Variants in TPD52 observed in about 807,000 individuals in gnomAD.
TPD52 encodes tumor protein D52, also known as prostate and colon associated protein.
Under a neutral mutation model 31.3 loss-of-function variants are expected in TPD52, and 17 were observed. That is an observed-to-expected ratio of 0.54 (90% CI 0.37 to 0.82). TPD52 has a LOEUF of 0.82. Among genes scored for constraint, TPD52 ranks in the 40% least tolerant of loss-of-function variants. The pLI is 0.00. For missense variants in TPD52, 212 were observed against 240.1 expected (o/e 0.88, Z 0.77); for synonymous variants, 83 against 89.6 (o/e 0.93, Z 0.42).
At chr8:80,068,941 C>T (rs1304530105) in intron 1 of TPD52, among the ~76,000 whole-genome samples, 2 of 152,144 alleles carry the variant, frequency 1.3e-5, no homozygotes, top group African/African-American at 4.8e-5. Context: ...AATGCCAGGT[C>T]CGGTTACAGA....
intron 1 of TPD52, among the ~76,000 whole-genome samples, chr8:80,076,958 C>T (rs561698388): frequency 1.2e-4 from 18 of 152,146 alleles, no homozygotes; most frequent in South Asian, 4.2e-4. Context: ...TGATCCACTG[C>T]GCCCAGCCAA....
intron 1 of TPD52, among the ~76,000 whole-genome samples, chr8:80,120,127 G>GTA (rs1424231839): frequency 2.0e-5 from 3 of 152,044 alleles, no homozygotes; most frequent in Non-Finnish European, 1.5e-5. Flanking sequence ...CTTGTACCAT[G>GTA]TATATATATA....
intron 1 of TPD52, among the ~76,000 whole-genome samples, chr8:80,083,474 T>C (rs1563612625): frequency 6.6e-6 from 1 of 152,184 alleles, no homozygotes; most frequent in African/African-American, 2.4e-5. Context: ...CCCCATGCTC[T>C]TCTCCTGATA....
chr8:80,109,790 T>G (rs922598480), intron 1 of TPD52, among the ~76,000 whole-genome samples: 1 of 152,208 alleles, frequency 6.6e-6, no homozygotes, highest in African/African-American at 2.4e-5. Context: ...GTTATTAGAC[T>G]GCAGCCCTAT....
chr8:80,044,355 A>G lies in TPD52; in HGVS notation c.414-147T>C, dbSNP rs144004362. ...CCTACTTTTTGAGGTGGAGGGGATC[A>G]AAGTTATTCCAACATAATTTACTTT... On this transcript the variant is annotated intron_variant, in intron 5 of 7. Transcript: ENST00000518937. The G allele has an allele frequency of 3.2e-4, 212 of 654,094 alleles. 5 individuals carry two copies. The East Asian group carries it at 6.8e-3, about 21-fold the overall frequency. The allele number at this position is 654,094 out of a possible 1,614,324, so 40.5% of individuals were successfully genotyped here. A position where few individuals can be genotyped will look rare whatever the true frequency, so the allele number is the denominator to read the frequency against.
chr8:80,098,351 A>G (rs574574170), intron 1 of TPD52, among the ~76,000 whole-genome samples: 1 of 152,236 alleles, frequency 6.6e-6, no homozygotes, highest in South Asian at 2.1e-4. Flanking sequence ...AAAGTACATT[A>G]AAAACCTTCT....
chr8:80,168,072 T>C (rs1304173923), intron 1 of TPD52, among the ~76,000 whole-genome samples: 2 of 152,232 alleles, frequency 1.3e-5, no homozygotes, highest in South Asian at 4.1e-4. Context: ...TGGAAACTCT[T>C]GAAAGGCATG....
At chr8:80,142,394 C>T (rs978915865) in intron 1 of TPD52, among the ~76,000 whole-genome samples, 7 of 152,138 alleles carry the variant, frequency 4.6e-5, no homozygotes, top group Non-Finnish European at 7.3e-5. Context: ...ACTGTGAAGA[C>T]GCTGTCTCTA....
chr8:80,096,389 C>T (rs1243648439), intron 1 of TPD52, among the ~76,000 whole-genome samples: 1 of 151,990 alleles, frequency 6.6e-6, no homozygotes, highest in Non-Finnish European at 1.5e-5. Context: ...ATGGTCAAGG[C>T]TTCCTAAGTA....
At chr8:80,056,372 G>A (rs1433366594) in intron 2 of TPD52, among the ~76,000 whole-genome samples, 1 of 152,134 alleles carries the variant, frequency 6.6e-6, no homozygotes, top group Non-Finnish European at 1.5e-5. Flanking sequence ...GTTGGGAAAG[G>A]GAGGATGCCT....
chr8:80,095,767 A>G (rs1383381114), intron 1 of TPD52, among the ~76,000 whole-genome samples: 2 of 152,122 alleles, frequency 1.3e-5, no homozygotes, highest in African/African-American at 2.4e-5. Flanking sequence ...AACATGGTGA[A>G]ACTCCGTCTG....
At chr8:80,051,852 C>T (rs1811419312) in intron 3 of TPD52, 2 of 434,996 alleles carry the variant, frequency 4.6e-6, no homozygotes, top group Non-Finnish European at 8.1e-6. Context: ...CCTAGTCCAG[C>T]CAGAAAGACA....
intron 1 of TPD52, among the ~76,000 whole-genome samples, chr8:80,161,053 C>T (rs546398324): frequency 5.9e-5 from 9 of 151,686 alleles, no homozygotes; most frequent in South Asian, 2.1e-4. Flanking sequence ...GGCAACAGAG[C>T]GAGACTCTGT....
intron 1 of TPD52, among the ~76,000 whole-genome samples, chr8:80,167,291 T>C (rs770053802): frequency 3.4e-4 from 51 of 152,198 alleles, no homozygotes; most frequent in Admixed American, 1.8e-3. Flanking sequence ...AGGAAAATAA[T>C]CTTAGCCTAC....
At chr8:80,031,536 G>A (rs771636961), downstream of TPD52, among the ~76,000 whole-genome samples, 10 of 152,144 alleles carry the variant, frequency 6.6e-5, no homozygotes, top group Non-Finnish European at 1.5e-4. Context: ...GTGGTAAATT[G>A]TAAAGAGCAT....
intron 3 of TPD52, chr8:80,052,469 G>A (rs1433160054): frequency 2.8e-6 from 1 of 351,782 alleles, no homozygotes; most frequent in Non-Finnish European, 5.1e-6. Context: ...TGAAAAAATA[G>A]TTTCCTGTAT....
intron 1 of TPD52, among the ~76,000 whole-genome samples, chr8:80,075,847 C>CTTT (rs1814473069): frequency 6.6e-6 from 1 of 152,230 alleles, no homozygotes; most frequent in African/African-American, 2.4e-5. Flanking sequence ...GCCATGTTTG[C>CTTT]TATTTAAGAC....
chr8:80,076,971 G>GT (rs1000930542), intron 1 of TPD52, among the ~76,000 whole-genome samples: 9 of 148,974 alleles, frequency 6.0e-5, no homozygotes, highest in Admixed American at 2.0e-4. Flanking sequence ...CCAGCCAAAA[G>GT]TTTTTTTTAA....
chr8:80,144,702 C>G (rs1810073938), intron 1 of TPD52, among the ~76,000 whole-genome samples: 1 of 152,182 alleles, frequency 6.6e-6, no homozygotes, highest in Admixed American at 6.5e-5. Context: ...CTGAAATACA[C>G]CCAGAAAGGG....
Sources: allele counts gnomAD v4.1 joint callset (sites outside exome capture counted in the v4.1 genomes callset), GRCh38; gene constraint gnomAD v4.1.1; transcripts MANE v1.5; gene names NCBI Gene and HGNC (gene_info 2026-07-23, HGNC 2026-07-21).